DIP2B: variants seen among roughly 807,000 people sequenced by gnomAD.
The protein encoded by DIP2B is disco-interacting protein 2 homolog B.
DIP2B carries 76 observed loss-of-function variants against 198.0 expected under a neutral mutation model. The ratio of observed to expected loss-of-function variants is 0.38; its 90% CI spans 0.32 to 0.46. The LOEUF (loss-of-function observed/expected upper bound fraction) is 0.46, where lower values mean the gene tolerates loss of function less well. DIP2B is among the 20% of genes least tolerant of loss of function. The probability of loss-of-function intolerance (pLI) is 0.99; values close to 1 mark genes in which losing one functional copy is unlikely to be tolerated. For missense variants in DIP2B, 1,559 were observed against 1,978.4 expected, an observed-to-expected ratio of 0.79 and a Z score of 4.02; for synonymous variants, 701 against 739.1, an observed-to-expected ratio of 0.95 and a Z score of 0.84.
intron 13 of DIP2B, among the ~76,000 whole-genome samples, chr12:50,691,821 T>C (rs1939227694): frequency 1.3e-5 from 2 of 152,174 alleles, no homozygotes; most frequent in Admixed American, 1.3e-4. Context: ...CCCAACACTT[T>C]GGGAGGCCGA....
chr12:50,675,491 A>G, intron 7 of DIP2B, 43 bp downstream of exon 7: 1 of 1,578,418 alleles, frequency 6.3e-7, no homozygotes, highest in South Asian at 1.1e-5. Context: ...TTAAATAAAT[A>G]TATCTTAAGC....
At chr12:50,742,586 T>G (rs1310391550) in intron 37 of DIP2B, among the ~76,000 whole-genome samples, 1 of 152,102 alleles carries the variant, frequency 6.6e-6, no homozygotes, top group East Asian at 1.9e-4. Context: ...GCTTTCCAGA[T>G]ACTTCTTTGT....
chr12:50,567,023 C>T (rs796277307), intron 1 of DIP2B, among the ~76,000 whole-genome samples: 3 of 149,052 alleles, frequency 2.0e-5, no homozygotes, highest in Non-Finnish European at 4.5e-5. Flanking sequence ...TTCTATTGAT[C>T]TGTATGTGCA....
chr12:50,514,375 C>T (rs1201459757), intron 1 of DIP2B, among the ~76,000 whole-genome samples: 1 of 152,052 alleles, frequency 6.6e-6, no homozygotes, highest in East Asian at 1.9e-4. Flanking sequence ...GCATTATCAC[C>T]TTTCATTCTC....
chr12:50,649,433 C>T (rs1328399838), intron 3 of DIP2B, among the ~76,000 whole-genome samples: 1 of 152,072 alleles, frequency 6.6e-6, no homozygotes. Flanking sequence ...GCTAGACAGG[C>T]GTATATCTGG....
chr12:50,558,271 A>G (rs1958488408), intron 1 of DIP2B, among the ~76,000 whole-genome samples: 1 of 152,220 alleles, frequency 6.6e-6, no homozygotes, highest in South Asian at 2.1e-4. Context: ...TTTAGATATG[A>G]CATTGTTTTG....
At chr12:50,517,070 C>T (rs1341381747) in intron 1 of DIP2B, among the ~76,000 whole-genome samples, 1 of 151,930 alleles carries the variant, frequency 6.6e-6, no homozygotes, top group South Asian at 2.1e-4. Context: ...GTGCCCGCCA[C>T]CACGCCCGGC....
intron 1 of DIP2B, among the ~76,000 whole-genome samples, chr12:50,553,392 C>T (rs146837862): frequency 2.8e-4 from 42 of 152,296 alleles, no homozygotes; most frequent in Middle Eastern, 3.4e-3. Context: ...CAGTACCTAG[C>T]GCAGTGCCTG....
rs927979901 is a variant in DIP2B, at chr12:50,690,149, T to C, written c.1552-900T>C. On this transcript the variant is annotated intron_variant, in intron 12 of 37. Transcript: ENST00000301180. ...TTGCCCAGGCTGGAGTGCAGTGGTG[T>C]GATCTCGGCTCACTGCAAGCTCTGC... 6.0e-5 allele frequency among the ~76,000 whole-genome samples: 9 copies of C among 151,038 alleles called. No individual in the cohort carries two copies. In the South Asian group the frequency reaches 1.5e-3, roughly 25 times the overall value.
chr12:50,623,364 G>T (rs939030730), intron 1 of DIP2B, among the ~76,000 whole-genome samples: 21 of 151,278 alleles, frequency 1.4e-4, no homozygotes, highest in African/African-American at 4.9e-4. Context: ...GTGATAGAGG[G>T]AGACCCTGCC....
chr12:50,632,577 C>A, intron 2 of DIP2B, among the ~76,000 whole-genome samples: 1 of 149,786 alleles, frequency 6.7e-6, no homozygotes, highest in Admixed American at 6.7e-5. Flanking sequence ...CGCTCTGTCA[C>A]CCAGGCTGGA....
chr12:50,580,903 A>G (rs1958719568), intron 1 of DIP2B, among the ~76,000 whole-genome samples: 1 of 149,200 alleles, frequency 6.7e-6, no homozygotes, highest in African/African-American at 2.5e-5. Flanking sequence ...CTAGCCCAAA[A>G]TGTCAACAAT....
chr12:50,613,252 AC>A (rs1241669692), intron 1 of DIP2B, among the ~76,000 whole-genome samples: 8 of 151,996 alleles, frequency 5.3e-5, no homozygotes, highest in African/African-American at 1.9e-4. Context: ...GACTCATAAT[AC>A]TCTTCCATGG....
chr12:50,557,122 C>T (rs1162423451), intron 1 of DIP2B, among the ~76,000 whole-genome samples: 2 of 152,192 alleles, frequency 1.3e-5, no homozygotes, highest in East Asian at 1.9e-4. Flanking sequence ...GCTGGGATTA[C>T]AGATTTGAGC....
chr12:50,704,462 G>A (rs1366158151), intron 20 of DIP2B, among the ~76,000 whole-genome samples: 1 of 152,132 alleles, frequency 6.6e-6, no homozygotes, highest in Non-Finnish European at 1.5e-5. Context: ...GCTGAGATCA[G>A]AAGACATGAT....
At chr12:50,631,059 G>A (rs766828962) in intron 2 of DIP2B, among the ~76,000 whole-genome samples, 1 of 152,028 alleles carries the variant, frequency 6.6e-6, no homozygotes, top group African/African-American at 2.4e-5. Flanking sequence ...GTTAACAATA[G>A]TTACTATCCA....
intron 1 of DIP2B, among the ~76,000 whole-genome samples, chr12:50,568,600 A>G (rs1410342232): frequency 1.3e-5 from 2 of 152,152 alleles, no homozygotes; most frequent in Admixed American, 1.3e-4. Flanking sequence ...AGGAGTAAAA[A>G]AGAAAATAGG....
intron 1 of DIP2B, among the ~76,000 whole-genome samples, chr12:50,566,548 C>T (rs955200851): frequency 2.0e-5 from 3 of 152,098 alleles, no homozygotes; most frequent in Non-Finnish European, 4.4e-5. Context: ...ATTACTCTTT[C>T]TATACCAATA....
chr12:50,579,797 A>G (rs1958707597), intron 1 of DIP2B, among the ~76,000 whole-genome samples: 2 of 149,230 alleles, frequency 1.3e-5, no homozygotes, highest in African/African-American at 4.9e-5. Flanking sequence ...CTGCAGATTG[A>G]AAGTAAAGTC....
Sources: allele counts gnomAD v4.1 joint callset (sites outside exome capture counted in the v4.1 genomes callset), GRCh38; gene constraint gnomAD v4.1.1; transcripts MANE v1.5; gene names NCBI Gene and HGNC (gene_info 2026-07-23, HGNC 2026-07-21).